The following PPFIA2 variants were observed in gnomAD, a reference collection of about 807,000 sequenced individuals.
The protein encoded by PPFIA2 is liprin-alpha-2.
PPFIA2 carries 46 observed loss-of-function variants against 175.5 expected under a neutral mutation model. That is an observed-to-expected ratio of 0.26 (90% CI 0.21 to 0.34). The LOEUF (loss-of-function observed/expected upper bound fraction) is 0.34. Ranked by LOEUF, PPFIA2 falls within the 10% of genes least tolerant of loss-of-function variation. PPFIA2 has a pLI of 1.00. For synonymous variants in PPFIA2, 568 were observed against 511.4 expected (o/e 1.11, Z -1.49); for missense variants, 1,179 against 1,506.1 (o/e 0.78, Z 3.60).
At chr12:81,647,951 T>C (rs909376449) in intron 4 of PPFIA2, among the ~76,000 whole-genome samples, 12 of 146,512 alleles carry the variant, frequency 8.2e-5, no homozygotes, top group Admixed American at 5.5e-4. Context: ...GGAGGCTTCT[T>C]GTCAGAAGCA....
chr12:81,442,210 T>C (rs1401270884), intron 6 of PPFIA2, among the ~76,000 whole-genome samples: 2 of 152,082 alleles, frequency 1.3e-5, no homozygotes, highest in East Asian at 3.9e-4. Context: ...GAGATTATGT[T>C]GTCCACGAAG....
intron 9 of PPFIA2, among the ~76,000 whole-genome samples, chr12:81,378,378 T>C (rs946042808): frequency 3.9e-5 from 6 of 152,066 alleles, no homozygotes; most frequent in Non-Finnish European, 8.8e-5. Context: ...ACTTGATTAA[T>C]TATGTTGACA....
rs891519401 is a variant in PPFIA2, at chr12:81,559,579, C to T, written c.304-101713G>A. On this transcript the variant is annotated intron_variant, in intron 4 of 32. Transcript: ENST00000549396. ...AAAATTATACCCTTATAATTATAAA[C>T]GTACCATTAGAAGACTCTTTTTCTT... 5.9e-5 allele frequency among the ~76,000 whole-genome samples: 9 copies of T among 152,190 alleles called. No individual in the cohort carries two copies. In the South Asian group the frequency reaches 6.2e-4, roughly 11 times the overall value.
intron 24 of PPFIA2, among the ~76,000 whole-genome samples, chr12:81,285,490 A>G (rs1422502722): frequency 6.6e-6 from 1 of 152,088 alleles, no homozygotes. Flanking sequence ...ATGTAAGTGA[A>G]ATCTTATATA....
intron 3 of PPFIA2, among the ~76,000 whole-genome samples, chr12:81,701,115 T>C (rs2076425961): frequency 6.6e-6 from 1 of 152,166 alleles, no homozygotes; most frequent in African/African-American, 2.4e-5. Context: ...ACAGGTTATA[T>C]GGCAAATTAG....
chr12:81,346,711 T>G (rs1296991379), intron 18 of PPFIA2, among the ~76,000 whole-genome samples: 1 of 151,604 alleles, frequency 6.6e-6, no homozygotes, highest in Non-Finnish European at 1.5e-5. Flanking sequence ...GTAGCTGTTG[T>G]TTTTTATGGC....
intron 4 of PPFIA2, among the ~76,000 whole-genome samples, chr12:81,590,853 T>C (rs941118357): frequency 2.0e-5 from 3 of 152,206 alleles, no homozygotes; most frequent in Non-Finnish European, 2.9e-5. Context: ...CTTGGGTATG[T>C]CTTTATCAGC....
intron 3 of PPFIA2, among the ~76,000 whole-genome samples, chr12:81,746,564 A>G (rs2083092289): frequency 6.9e-6 from 1 of 144,424 alleles, no homozygotes; most frequent in Admixed American, 7.3e-5. Flanking sequence ...TGAAAACTAA[A>G]GGGAAACACA....
At chr12:81,283,899 C>G (rs1392381316) in intron 25 of PPFIA2, among the ~76,000 whole-genome samples, 2 of 151,866 alleles carry the variant, frequency 1.3e-5, no homozygotes, top group Non-Finnish European at 2.9e-5. Flanking sequence ...TTTCTATTAC[C>G]AATTTAATTT....
chr12:81,430,067 T>A (rs1385473943), intron 7 of PPFIA2: 4 of 152,106 alleles, frequency 2.6e-5, no homozygotes, highest in African/African-American at 7.2e-5. Flanking sequence ...AATATCTTCA[T>A]TCATCACTAC....
At position 81,514,944 on chromosome 12, in the gene PPFIA2, A is replaced by G. The variant is rs544285157; in HGVS notation, c.304-57078T>C. Among the ~76,000 whole-genome samples the G allele has an allele frequency of 1.1e-4, 17 of 152,036 alleles. No individual in the cohort carries two copies. The East Asian group carries it at 1.9e-3, about 17-fold the overall frequency. ...GTGGATTCTTAGAGACTTTCTTCTT[A>G]TCCACTTTTTTGCATTCCTTAAGTG... On this transcript the variant is annotated intron_variant, in intron 4 of 32. Transcript: ENST00000549396.
chr12:81,737,297 C>A (rs977875586), intron 3 of PPFIA2, among the ~76,000 whole-genome samples: 1 of 151,862 alleles, frequency 6.6e-6, no homozygotes, highest in Non-Finnish European at 1.5e-5. Context: ...GATGCAGTAG[C>A]CTTAATGAAT....
intron 4 of PPFIA2, among the ~76,000 whole-genome samples, chr12:81,642,817 C>CATAT (rs368738008): frequency 0.016 from 443 of 27,574 alleles, 92 homozygotes; most frequent in African/African-American, 0.026. Flanking sequence ...GTATTACATA[C>CATAT]ATGTATATGT....
intron 4 of PPFIA2, among the ~76,000 whole-genome samples, chr12:81,568,348 G>C (rs184267275): frequency 1.3e-5 from 2 of 152,314 alleles, no homozygotes; most frequent in Admixed American, 1.3e-4. Context: ...TTGTTTGTCT[G>C]ATGGTGGGTC....
intron 3 of PPFIA2, among the ~76,000 whole-genome samples, chr12:81,716,505 C>T (rs187409630): frequency 3.7e-4 from 56 of 151,538 alleles, no homozygotes; most frequent in Admixed American, 2.9e-3. Flanking sequence ...TTCTATTTCT[C>T]ACCCAGAAGT....
At chr12:81,565,150 A>C (rs1404502928) in intron 4 of PPFIA2, among the ~76,000 whole-genome samples, 1 of 152,126 alleles carries the variant, frequency 6.6e-6, no homozygotes, top group Non-Finnish European at 1.5e-5. Context: ...TCCCCGATCC[A>C]TGCTGCCATC....
chr12:81,502,505 C>A (rs1364696396), intron 4 of PPFIA2, among the ~76,000 whole-genome samples: 1 of 152,120 alleles, frequency 6.6e-6, no homozygotes, highest in Non-Finnish European at 1.5e-5. Context: ...CTATTTTTGA[C>A]AAGTTCATCC....
At chr12:81,664,717 G>T (rs1212855781) in intron 4 of PPFIA2, among the ~76,000 whole-genome samples, 1 of 152,044 alleles carries the variant, frequency 6.6e-6, no homozygotes, top group Non-Finnish European at 1.5e-5. Context: ...AAATCATGCT[G>T]CTATAAAGAC....
At chr12:81,378,308 T>C (rs2036867665) in intron 9 of PPFIA2, 1 of 152,052 alleles carries the variant, frequency 6.6e-6, no homozygotes, top group South Asian at 2.1e-4. Flanking sequence ...CTACCTGGAA[T>C]GTGTGCTGTC....
Sources: allele counts gnomAD v4.1 joint callset (sites outside exome capture counted in the v4.1 genomes callset), GRCh38; gene constraint gnomAD v4.1.1; transcripts MANE v1.5; gene names NCBI Gene and HGNC (gene_info 2026-07-23, HGNC 2026-07-21).